The following SH3BP5 variants were observed in gnomAD, a reference collection of about 807,000 sequenced individuals.
SH3BP5 encodes SH3 domain-binding protein 5.
A neutral mutation model predicts 43.3 loss-of-function variants in SH3BP5; 22 were observed. The ratio of observed to expected loss-of-function variants is 0.51; its 90% confidence interval spans 0.36 to 0.73. The LOEUF (loss-of-function observed/expected upper bound fraction) is 0.73, where lower values mean the gene tolerates loss of function less well. Among genes scored for constraint, SH3BP5 ranks in the 30% least tolerant of loss-of-function variants. The pLI is 0.00. For missense variants in SH3BP5, 529 were observed against 586.9 expected, an observed-to-expected ratio of 0.90 and a Z score of 1.02; for synonymous variants, 255 against 225.8, an observed-to-expected ratio of 1.13 and a Z score of -1.16.
chr3:15,324,799 C>T (rs1258669300), intron 2 of SH3BP5, among the ~76,000 whole-genome samples: 3 of 149,700 alleles, frequency 2.0e-5, no homozygotes, highest in African/African-American at 7.4e-5. Context: ...TTTACTCTCA[C>T]CTCCAAGTTT....
chr3:15,341,105 G>C (rs1402745061), intron 1 of SH3BP5: 1 of 151,988 alleles, frequency 6.6e-6, no homozygotes, highest in Non-Finnish European at 1.5e-5. Flanking sequence ...TTATAAAAAG[G>C]CTGCTATAAA....
chr3:15,282,831 C>T (rs1235419870), intron 3 of SH3BP5, among the ~76,000 whole-genome samples: 2 of 151,926 alleles, frequency 1.3e-5, no homozygotes, highest in Admixed American at 6.6e-5. Flanking sequence ...GGAGGGTGGA[C>T]GAAACCTGAT....
intron 3 of SH3BP5, among the ~76,000 whole-genome samples, chr3:15,293,907 G>C (rs1379110494): frequency 6.6e-6 from 1 of 151,892 alleles, no homozygotes; most frequent in Non-Finnish European, 1.5e-5. Flanking sequence ...ACGAAATCCT[G>C]TCTCTACTAA....
upstream of SH3BP5, among the ~76,000 whole-genome samples, chr3:15,334,298 AAAAT>A (rs1302074579): frequency 2.6e-5 from 4 of 152,212 alleles, no homozygotes; most frequent in Non-Finnish European, 4.4e-5. Context: ...TAAAATGAGA[AAAAT>A]AAATAAACCA....
upstream of SH3BP5, among the ~76,000 whole-genome samples, chr3:15,337,084 GTT>G (rs374056927): frequency 7.4e-4 from 74 of 100,096 alleles, no homozygotes; most frequent in South Asian, 0.024. Context: ...TTTTAGTTTA[GTT>G]TTTTTTTTTT....
chr3:15,287,482 A>G (rs1452004169), intron 3 of SH3BP5, among the ~76,000 whole-genome samples: 1 of 152,254 alleles, frequency 6.6e-6, no homozygotes, highest in African/African-American at 2.4e-5. Flanking sequence ...GCTGTCCAAC[A>G]GAACTTTCTG....
intron 2 of SH3BP5, among the ~76,000 whole-genome samples, chr3:15,319,517 CAAG>C (rs1698268628): frequency 1.3e-5 from 2 of 152,140 alleles, no homozygotes. Context: ...GCCCCAGGAT[CAAG>C]AAGAATTAGA....
chr3:15,313,625 C>T (rs769157474), intron 2 of SH3BP5, among the ~76,000 whole-genome samples: 2 of 152,230 alleles, frequency 1.3e-5, no homozygotes, highest in Non-Finnish European at 2.9e-5. Flanking sequence ...CTAGAACACA[C>T]AAAGAAACCA....
intron 2 of SH3BP5, among the ~76,000 whole-genome samples, chr3:15,304,800 G>C (rs1309732505): frequency 1.5e-5 from 2 of 131,734 alleles, no homozygotes; most frequent in Admixed American, 1.7e-4. Flanking sequence ...GGGTGACAGA[G>C]CACGACTCTG....
rs555961205 is a variant in SH3BP5, at chr3:15,318,573, T to G, written c.201+11931A>C. On this transcript the variant is annotated intron_variant, in intron 2 of 8. Transcript: ENST00000383791. ...AGCTTTCCTATGTTTTTGTTTTTGTTTTTTTTAAGACAAGAGTCTCGCTTT... is the reference window on the plus strand; with the variant it reads ...AGCTTTCCTATGTTTTTGTTTTTGTGTTTTTTAAGACAAGAGTCTCGCTTT... Among the ~76,000 whole-genome samples, 8 of 151,986 alleles carry G rather than the reference T, an allele frequency of 5.3e-5. No individual in the cohort carries two copies. The South Asian group carries it at 1.7e-3, about 32-fold the overall frequency.
chr3:15,336,805 C>T (rs556247475), upstream of SH3BP5, among the ~76,000 whole-genome samples: 1 of 152,214 alleles, frequency 6.6e-6, no homozygotes, highest in East Asian at 1.9e-4. Flanking sequence ...CATCATGGCT[C>T]CCTAGACTCT....
Position 15,257,084 on chromosome 3 carries a change from A to G in SH3BP5, c.919T>C (p.Cys307Arg), listed in dbSNP as rs748728890. 8 of 1,614,208 alleles carry G rather than the reference A, an allele frequency of 5.0e-6. No individual in the cohort carries two copies. Among genetic ancestry groups the G allele is most frequent in the South Asian group, 2.2e-5 (2 of 91,084 alleles). ...TCATCTTCAGACACAAAGTTGCTAC[A>G]GCTGTCATCTTCAAAGGCCTCCGAG... ...VASEAFEDDS[C>R]SNFVSEDDSE... Residue 307 changes from cysteine (C) to arginine (R), a missense_variant, in exon 8 of 9, where the codon TGT (cysteine) becomes CGT (arginine). Coordinates refer to ENST00000383791, the MANE Select transcript of SH3BP5 (RefSeq NM_004844.5).
intron 3 of SH3BP5, among the ~76,000 whole-genome samples, chr3:15,276,840 G>A (rs1213109911): frequency 6.6e-6 from 1 of 152,234 alleles, no homozygotes; most frequent in African/African-American, 2.4e-5. Context: ...TTCAGATAAT[G>A]TGTATAAAGT....
At chr3:15,333,143 G>C (rs1370847749), upstream of SH3BP5, 2 of 985,364 alleles carry the variant, frequency 2.0e-6, no homozygotes, top group Admixed American at 1.2e-4. Flanking sequence ...GAGGTGGCAA[G>C]TGTAACCCCT....
chr3:15,314,879 G>A lies in SH3BP5; in HGVS notation c.202-10648C>T, dbSNP rs1195333350. Among the ~76,000 whole-genome samples the A allele has an allele frequency of 5.3e-5, 8 of 152,276 alleles. 1 individual carries two copies. The South Asian group carries it at 1.7e-3, about 32-fold the overall frequency. ...CAACTTCAGGAGTAGGGGCCCCTCAGAGTGTCAGCCAGACCTGCTACTTCC... is the reference window on the plus strand; with the variant it reads ...CAACTTCAGGAGTAGGGGCCCCTCAAAGTGTCAGCCAGACCTGCTACTTCC... On this transcript the variant is annotated intron_variant, in intron 2 of 8. Transcript: ENST00000383791.
intron 5 of SH3BP5, chr3:15,260,301 A>C (rs993883352): frequency 3.0e-5 from 5 of 165,106 alleles, no homozygotes; most frequent in Non-Finnish European, 6.7e-5. Context: ...CAAGGCCACC[A>C]CTAGGAGGGG....
chr3:15,284,050 A>T (rs1328198868), intron 3 of SH3BP5, among the ~76,000 whole-genome samples: 1 of 152,196 alleles, frequency 6.6e-6, no homozygotes, highest in Non-Finnish European at 1.5e-5. Flanking sequence ...TGGAGAGAAG[A>T]AGCACCAATG....
At position 15,330,514 on chromosome 3, in the gene SH3BP5, G is replaced by A. The variant is rs372882878; in HGVS notation, c.191C>T (p.Thr64Ile). The change falls in exon 2 of 9, where the codon ACT (threonine) becomes ATT (isoleucine). Residue 64 changes from threonine to isoleucine, a missense_variant. Transcript: ENST00000383791. Reference protein sequence around the residue: ...QSTDDINRRETELEDARQKFR... With the variant: ...QSTDDINRREIELEDARQKFR... ...CTCAGCTCTCTGTACCTCAAGTTCA[G>A]TCTCCCGTCTGTTGATATCATCCGT... 31 of 1,612,974 alleles carry A rather than the reference G, an allele frequency of 1.9e-5. No individual in the cohort carries two copies. The African/African-American group carries it at 3.7e-4, about 19-fold the overall frequency.
chr3:15,254,844 A>G lies in SH3BP5; in HGVS notation c.*1242T>C, dbSNP rs903838457. On this transcript the variant is annotated 3_prime_UTR_variant, in exon 9 of 9. Coordinates refer to ENST00000383791, the MANE Select transcript of SH3BP5 (RefSeq NM_004844.5). ...GGAGTTCTTATTTGAAGTCACAGAA[A>G]GGAGAAACTTTTCTCAAGCCGTTTT... 2.0e-5 allele frequency: 3 copies of G among 152,210 alleles called. No individual in the cohort carries two copies. Among genetic ancestry groups the G allele is most frequent in the Non-Finnish European group, 4.4e-5 (3 of 68,038 alleles). The allele number at this position is 152,210 out of a possible 1,614,324, so 9.4% of individuals were successfully genotyped here.
Sources: gnomAD v4.1 joint callset for allele counts (sites outside exome capture counted in the v4.1 genomes callset) on GRCh38, gnomAD v4.1.1 for gene constraint, MANE v1.5 for transcripts, NCBI Gene and HGNC (gene_info 2026-07-23, HGNC 2026-07-21) for gene names.